Variants in OXR1 observed in about 807,000 individuals in gnomAD.
The protein encoded by OXR1 is oxidation resistance protein 1.
Under a neutral mutation model 104.6 loss-of-function variants are expected in OXR1, and 41 were observed. The ratio of observed to expected loss-of-function variants is 0.39; its 90% CI spans 0.31 to 0.51. OXR1 has a LOEUF of 0.51. Ranked by LOEUF, OXR1 falls within the 20% of genes least tolerant of loss-of-function variation. The pLI is 0.77. For missense variants in OXR1, 955 were observed against 1,031.9 expected (o/e 0.93, Z 1.02); for synonymous variants, 348 against 348.4 (o/e 1.00, Z 0.01).
intron 3 of OXR1, among the ~76,000 whole-genome samples, chr8:106,534,753 T>C (rs1303227488): frequency 6.6e-6 from 1 of 152,258 alleles, no homozygotes; most frequent in Non-Finnish European, 1.5e-5. Context: ...AGATAGTGCA[T>C]GTAAATCTCT....
At chr8:106,592,510 C>A (rs939332402) in intron 3 of OXR1, among the ~76,000 whole-genome samples, 2 of 152,038 alleles carry the variant, frequency 1.3e-5, no homozygotes, top group Non-Finnish European at 2.9e-5. Context: ...AGATTCGAAA[C>A]CAAGCCACTT....
At chr8:106,619,932 T>C (rs887278509) in intron 3 of OXR1, among the ~76,000 whole-genome samples, 1 of 152,170 alleles carries the variant, frequency 6.6e-6, no homozygotes, top group African/African-American at 2.4e-5. Context: ...TCTGCCTCTG[T>C]ATTCCTCTCT....
intron 3 of OXR1, among the ~76,000 whole-genome samples, chr8:106,636,183 C>T (rs373235989): frequency 6.6e-5 from 10 of 152,052 alleles, no homozygotes; most frequent in African/African-American, 1.4e-4. Context: ...CTTATAAGTG[C>T]GAACTAAGGC....
intron 3 of OXR1, among the ~76,000 whole-genome samples, chr8:106,602,463 G>A (rs1820045426): frequency 6.6e-6 from 1 of 152,178 alleles, no homozygotes; most frequent in African/African-American, 2.4e-5. Flanking sequence ...AGTTTGGAGG[G>A]TGAAAGAAAT....
At chr8:106,319,821 A>G (rs1191236336) in intron 1 of OXR1, among the ~76,000 whole-genome samples, 1 of 152,210 alleles carries the variant, frequency 6.6e-6, no homozygotes, top group Non-Finnish European at 1.5e-5. Flanking sequence ...TGGTTAGCCC[A>G]AGCTAAAAGT....
At chr8:106,534,520 T>C (rs1466036687) in intron 3 of OXR1, among the ~76,000 whole-genome samples, 2 of 152,224 alleles carry the variant, frequency 1.3e-5, no homozygotes, top group Non-Finnish European at 2.9e-5. Context: ...TTAGAGCATT[T>C]GAGACACATT....
intron 1 of OXR1, among the ~76,000 whole-genome samples, chr8:106,283,848 A>T (rs1464271469): frequency 6.6e-6 from 1 of 152,112 alleles, no homozygotes; most frequent in Non-Finnish European, 1.5e-5. Flanking sequence ...TTATTTAGGA[A>T]TTTCCTGAAG....
chr8:106,657,882 C>A (rs961041498), intron 3 of OXR1: 20 of 1,243,092 alleles, frequency 1.6e-5, no homozygotes, highest in East Asian at 3.2e-5. Context: ...GGAGCCGCCT[C>A]CCCTGGGTCA....
chr8:106,330,731 A>T (rs746521033), intron 1 of OXR1, among the ~76,000 whole-genome samples: 20 of 152,150 alleles, frequency 1.3e-4, no homozygotes, highest in Admixed American at 2.6e-4. Flanking sequence ...GGTCACTAAT[A>T]TTGAGGGTAT....
chr8:106,698,304 T>C (rs924549415), intron 7 of OXR1, among the ~76,000 whole-genome samples: 1 of 152,234 alleles, frequency 6.6e-6, no homozygotes, highest in Non-Finnish European at 1.5e-5. Context: ...TGTGTCTATC[T>C]TTGGTTGCAC....
chr8:106,477,397 T>G lies in OXR1; in HGVS notation c.24-41546T>G, dbSNP rs1016197203. ...GGTGGGTACAAAATTATTATAGTAG[T>G]ACAGTACATACATGTATTACTGTTA... On this transcript the variant is annotated intron_variant, in intron 2 of 16. Transcript: ENST00000517566. Among the ~76,000 whole-genome samples the G allele has an allele frequency of 1.1e-4, 16 of 152,008 alleles. 1 individual carries two copies. Among genetic ancestry groups the G allele is most frequent in the Admixed American group, 2.6e-4 (4 of 15,238 alleles).
chr8:106,294,583 A>G (rs919250820), intron 1 of OXR1, among the ~76,000 whole-genome samples: 8 of 151,990 alleles, frequency 5.3e-5, no homozygotes, highest in African/African-American at 1.9e-4. Context: ...AGCACATCAC[A>G]TGGCAGATGC....
intron 11 of OXR1, among the ~76,000 whole-genome samples, chr8:106,717,662 CTA>C (rs1295561990): frequency 1.3e-5 from 2 of 152,124 alleles, no homozygotes; most frequent in African/African-American, 2.4e-5. Flanking sequence ...ATTTCATACA[CTA>C]TTATATCTTC....
chr8:106,374,707 G>A (rs940275256), intron 2 of OXR1, among the ~76,000 whole-genome samples: 5 of 152,180 alleles, frequency 3.3e-5, no homozygotes, highest in African/African-American at 1.2e-4. Flanking sequence ...AGTAATCAGA[G>A]CAGCCTAGCA....
intron 1 of OXR1, among the ~76,000 whole-genome samples, chr8:106,307,374 C>CT (rs1331625794): frequency 3.0e-4 from 46 of 152,162 alleles, no homozygotes; most frequent in Non-Finnish European, 1.0e-4. Context: ...CTGGCGTCCC[C>CT]TTGCCCCTCT....
intron 12 of OXR1, among the ~76,000 whole-genome samples, chr8:106,737,819 C>T (rs1047653959): frequency 2.4e-4 from 37 of 152,062 alleles, no homozygotes; most frequent in African/African-American, 8.9e-4. Context: ...TGTTCTGTCA[C>T]TTCAGAATTA....
intron 3 of OXR1, among the ~76,000 whole-genome samples, chr8:106,549,903 T>C (rs1041844121): frequency 2.0e-5 from 3 of 152,192 alleles, no homozygotes; most frequent in African/African-American, 7.2e-5. Flanking sequence ...CTATTTTATC[T>C]CCTGCTTTGG....
intron 2 of OXR1, among the ~76,000 whole-genome samples, chr8:106,506,486 A>G (rs62516888): frequency 9.2e-4 from 140 of 152,010 alleles, no homozygotes; most frequent in Admixed American, 2.8e-3. Flanking sequence ...GGTGGCGGGC[A>G]CCTGTAGTCC....
At chr8:106,699,280 T>C (rs1830374542) in intron 7 of OXR1, among the ~76,000 whole-genome samples, 1 of 152,198 alleles carries the variant, frequency 6.6e-6, no homozygotes, top group Non-Finnish European at 1.5e-5. Context: ...GTTGGATAGC[T>C]GCGATACATG....
Sources: allele counts gnomAD v4.1 joint callset (sites outside exome capture counted in the v4.1 genomes callset), GRCh38; gene constraint gnomAD v4.1.1; transcripts MANE v1.5; gene names NCBI Gene and HGNC (gene_info 2026-07-23, HGNC 2026-07-21).